Variants in SATB2 observed in about 807,000 individuals in gnomAD.
SATB2 encodes the protein SATB homeobox 2, also known as DNA-binding protein SATB2.
Under a neutral mutation model 73.4 loss-of-function variants are expected in SATB2, and 1 was observed. That is an observed-to-expected ratio of 0.01 (90% CI 0.00 to 0.06). SATB2 has a LOEUF of 0.06. Ranked by LOEUF, SATB2 falls within the 10% of genes least tolerant of loss-of-function variation. The probability of loss-of-function intolerance (pLI) is 1.00; values close to 1 mark genes in which losing one functional copy is unlikely to be tolerated. For synonymous variants in SATB2, 397 were observed against 367.0 expected (o/e 1.08, Z -0.93); for missense variants, 459 against 945.8 (o/e 0.49, Z 6.75).
intron 9 of SATB2, 113 bp from the exon 10 acceptor site, chr2:199,309,070 T>C (rs1303681062): frequency 1.1e-6 from 1 of 919,764 alleles, no homozygotes; most frequent in Non-Finnish European, 1.7e-6. Flanking sequence ...AAATTGTTCC[T>C]GCCAACGTGG....
At position 199,290,880 on chromosome 2, in the gene SATB2, C is replaced by A. The variant is rs1692836504; in HGVS notation, c.1740+17880G>T. On this transcript the variant is annotated intron_variant, in intron 10 of 10. Transcript: ENST00000417098. ...AGAAAAGTTGCTGGAGGCAAAACAG[C>A]AAAACAACAAATAAAAATGAGAGAA... Among the ~76,000 whole-genome samples, 3 of 152,026 alleles carry A rather than the reference C, an allele frequency of 2.0e-5. No homozygotes were observed. The South Asian group carries it at 6.2e-4, about 32-fold the overall frequency.
At chr2:199,328,952 AGGT>A in intron 7 of SATB2, 42 bp from the exon 8 acceptor site, 1 of 1,491,538 alleles carries the variant, frequency 6.7e-7, no homozygotes, top group Non-Finnish European at 9.3e-7. Flanking sequence ...TCACATTTGC[AGGT>A]ATATGTGTGT....
chr2:199,445,492 T>C (rs1185993756), intron 2 of SATB2, among the ~76,000 whole-genome samples: 3 of 152,198 alleles, frequency 2.0e-5, no homozygotes, highest in Non-Finnish European at 4.4e-5. Flanking sequence ...TGACCATTTG[T>C]AACAGTGTTG....
chr2:199,328,295 C>A (rs1688087852), intron 8 of SATB2, among the ~76,000 whole-genome samples: 1 of 152,164 alleles, frequency 6.6e-6, no homozygotes, highest in Non-Finnish European at 1.5e-5. Context: ...AATCCCAGCA[C>A]TTTGGGAGAC....
At chr2:199,281,422 C>A (rs943197594) in intron 10 of SATB2, among the ~76,000 whole-genome samples, 3 of 151,724 alleles carry the variant, frequency 2.0e-5, no homozygotes, top group African/African-American at 7.3e-5. Context: ...AGCTTCAGGT[C>A]CTGTAGGCTA....
intron 2 of SATB2, among the ~76,000 whole-genome samples, chr2:199,446,733 T>C (rs927555514): frequency 7.2e-5 from 11 of 152,168 alleles, no homozygotes; most frequent in South Asian, 2.1e-4. Context: ...CTAGGCTCTA[T>C]GGATTAAATA....
At chr2:199,383,588 T>C (rs1466596466) in intron 3 of SATB2, among the ~76,000 whole-genome samples, 1 of 151,992 alleles carries the variant, frequency 6.6e-6, no homozygotes, top group African/African-American at 2.4e-5. Flanking sequence ...TATGACAGAA[T>C]GGGGGGGAAT....
chr2:199,406,399 A>G (rs1354988259), intron 3 of SATB2, among the ~76,000 whole-genome samples: 1 of 152,132 alleles, frequency 6.6e-6, no homozygotes, highest in Non-Finnish European at 1.5e-5. Flanking sequence ...CTATATGTTA[A>G]TATGTTTCAT....
At chr2:199,281,860 C>T (rs764201445) in intron 10 of SATB2, among the ~76,000 whole-genome samples, 8 of 150,498 alleles carry the variant, frequency 5.3e-5, no homozygotes, top group South Asian at 2.1e-4. Flanking sequence ...TGTTCTGTGG[C>T]GCTGCATTCC....
chr2:199,459,165 C>T (rs1358271295), upstream of SATB2, among the ~76,000 whole-genome samples: 1 of 152,076 alleles, frequency 6.6e-6, no homozygotes, highest in Non-Finnish European at 1.5e-5. This position sits in a 1 kb window ranked among gnomAD's most constrained non-coding sequence, Gnocchi z 4.2. Flanking sequence ...AGGACTGGGG[C>T]TCCTGGGGAC....
intron 2 of SATB2, among the ~76,000 whole-genome samples, chr2:199,443,705 T>C (rs1691887023): frequency 6.6e-6 from 1 of 152,140 alleles, no homozygotes; most frequent in African/African-American, 2.4e-5. Flanking sequence ...GACAGGCAAC[T>C]ACCACCACCA....
upstream of SATB2, among the ~76,000 whole-genome samples, chr2:199,459,254 G>A (rs1692403421): frequency 6.6e-6 from 1 of 151,892 alleles, no homozygotes; most frequent in Non-Finnish European, 1.5e-5. This position sits in a 1 kb window ranked among gnomAD's most constrained non-coding sequence, Gnocchi z 4.2. Context: ...CCGGGGGGAG[G>A]CCGCACAGGA....
rs1022650666 is a variant in SATB2, at chr2:199,464,247, C to G, written c.-141+589G>C. 1.3e-5 allele frequency among the ~76,000 whole-genome samples: 2 copies of G among 152,188 alleles called. No individual in the cohort carries two copies. Among genetic ancestry groups the G allele is most frequent in the African/African-American group, 4.8e-5 (2 of 41,464 alleles). On this transcript the variant is annotated intron_variant, in intron 1 of 11. Transcript: ENST00000260926. The surrounding 1 kb of genome is among the most constrained non-coding windows in gnomAD (Gnocchi z 6.6). ...CTCAGTTCTCCCCCACCCCGTGGTG[C>G]CTTCCCTCCCCGCCCTACAGCCAAG...
chr2:199,355,324 A>G (rs891260621), intron 6 of SATB2, among the ~76,000 whole-genome samples: 1 of 134,440 alleles, frequency 7.4e-6, no homozygotes, highest in African/African-American at 3.0e-5. Context: ...ATACATATGT[A>G]TGTGTGTGTG....
At chr2:199,324,429 CAT>C (rs1687977226) in intron 8 of SATB2, among the ~76,000 whole-genome samples, 1 of 152,116 alleles carries the variant, frequency 6.6e-6, no homozygotes, top group Non-Finnish European at 1.5e-5. Flanking sequence ...TAAAGCTTTA[CAT>C]ATGTCATTCG....
intron 3 of SATB2, among the ~76,000 whole-genome samples, chr2:199,419,045 A>C (rs1691086541): frequency 6.6e-6 from 1 of 152,180 alleles, no homozygotes; most frequent in Non-Finnish European, 1.5e-5. Context: ...CCACACAGAC[A>C]ACCATGCTCT....
At chr2:199,452,524 C>G (rs184024820) in intron 2 of SATB2, among the ~76,000 whole-genome samples, 3 of 152,216 alleles carry the variant, frequency 2.0e-5, no homozygotes, top group Admixed American at 1.3e-4. Flanking sequence ...CCTTAATAAT[C>G]CCTTCTTTTC....
At chr2:199,348,044 G>T (rs577152868) in intron 7 of SATB2, 1 of 152,324 alleles carries the variant, frequency 6.6e-6, no homozygotes, top group South Asian at 2.1e-4. Flanking sequence ...TAGCAGAAAA[G>T]AATGTCTTAC....
intron 10 of SATB2, among the ~76,000 whole-genome samples, chr2:199,306,949 T>C (rs1437138287): frequency 6.6e-6 from 1 of 152,178 alleles, no homozygotes; most frequent in African/African-American, 2.4e-5. Flanking sequence ...AATAAATTGC[T>C]TTTTCCTTGC....
Sources: allele counts gnomAD v4.1 joint callset (sites outside exome capture counted in the v4.1 genomes callset), GRCh38; gene constraint gnomAD v4.1.1; non-coding constraint Gnocchi (gnomAD v3.1); transcripts MANE v1.5; gene names NCBI Gene and HGNC (gene_info 2026-07-23, HGNC 2026-07-21).